Variants in RABEP2 observed in about 807,000 individuals in gnomAD.
RABEP2 encodes rab GTPase-binding effector protein 2.
A neutral mutation model predicts 74.1 loss-of-function variants in RABEP2; 57 were observed. The observed-to-expected ratio is 0.77, with a 90% CI of 0.62 to 0.96. The LOEUF (loss-of-function observed/expected upper bound fraction) is 0.96. Ranked by LOEUF, RABEP2 falls within the 40% of genes least tolerant of loss-of-function variation. RABEP2 has a pLI of 0.00. For synonymous variants in RABEP2, 351 were observed against 344.0 expected, an observed-to-expected ratio of 1.02 and a Z score of -0.23; for missense variants, 692 against 756.3, an observed-to-expected ratio of 0.91 and a Z score of 1.00.
rs998801875 is a variant in RABEP2 at position 28,918,655 on chromosome 16, CT to C, written c.432+1130del. 4.3e-3 allele frequency among the ~76,000 whole-genome samples: 611 copies of C among 143,556 alleles called. 5 individuals carry two copies. Among genetic ancestry groups the C allele is most frequent in the East Asian group, 0.039 (193 of 4,936 alleles). 94.2% of individuals were successfully genotyped at this position (143,556 alleles called of 152,430 possible). A position where few individuals can be genotyped will look rare whatever the true frequency, so the allele number is the denominator to read the frequency against. On this transcript the variant is annotated intron_variant, in intron 3 of 12. Coordinates refer to ENST00000358201, the MANE Select transcript of RABEP2 (RefSeq NM_024816.3). ...AATAAATAAAACCAGTCTGCCTAGA[CT>C]TTTTTTTTTTTTAAAGAGACAGGGT...
At chr16:28,912,354 C>A (rs1414042457) in intron 5 of RABEP2, among the ~76,000 whole-genome samples, 2 of 151,790 alleles carry the variant, frequency 1.3e-5, no homozygotes, top group African/African-American at 4.8e-5. Context: ...AGCCTCTCAG[C>A]TTCTCCTGTG....
intron 3 of RABEP2, chr16:28,918,066 T>C (rs978745913): frequency 7.8e-6 from 1 of 128,898 alleles, no homozygotes; most frequent in Non-Finnish European, 1.7e-5. Context: ...TAATTGTTTT[T>C]TTTTTTTTTT....
In RABEP2 at chr16:28,914,757, C is replaced by T. The variant is rs1964365341; in HGVS notation, c.458G>A (p.Arg153Gln). 15 of 1,614,122 alleles carry T rather than the reference C, an allele frequency of 9.3e-6. No homozygotes were observed. Among genetic ancestry groups the T allele is most frequent in the African/African-American group, 1.3e-5 (1 of 75,042 alleles). ...EKAHEDSEKL[R>Q]EIVLPMEKEI... is the part of the protein sequence containing the mutation. ...CTTTTCCATGGGCAGTACGATCTCC[C>T]GCAGCTTCTCCGAGTCCTCGTGGGC... The change falls in exon 4 of 13, where the codon CGG (arginine) becomes CAG (glutamine). Residue 153 changes from arginine (R) to glutamine (Q), a missense_variant. Transcript: ENST00000358201.
At chr16:28,905,178 G>C (rs1964205744) in intron 12 of RABEP2, 134 bp from the exon 13 acceptor site, 1 of 737,398 alleles carries the variant, frequency 1.4e-6, no homozygotes, top group Admixed American at 2.7e-5. Context: ...TGCCACAAAT[G>C]CCCTGAGCGT....
In RABEP2 at chr16:28,914,708, C is replaced by T. The variant is rs377649029; in HGVS notation, c.507G>A (p.Lys169=). The stretch of plus-strand genomic sequence containing the variant: ...GAATCAGCTCCTCGGCCCTCAGCAG[C>T]TTCGCCTTCAGCTCCTCGATCTCCT... ...MEKEIEELKA[K]LLRAEELIQE... is the part of the protein sequence containing the mutation. The change falls in exon 4 of 13, where the codon AAG becomes AAA. Residue 169 remains lysine, a synonymous_variant. Transcript: ENST00000358201. 52 of 1,614,090 alleles carry T rather than the reference C, an allele frequency of 3.2e-5. No homozygotes were observed. Among genetic ancestry groups the T allele is most frequent in the Non-Finnish European group, 4.2e-5 (50 of 1,180,036 alleles).
At chr16:28,907,804 T>C (rs904612944) in intron 8 of RABEP2, among the ~76,000 whole-genome samples, 1 of 151,746 alleles carries the variant, frequency 6.6e-6, no homozygotes, top group Non-Finnish European at 1.5e-5. Context: ...ACCCAACTAA[T>C]GTTCTTTTTC....
chr16:28,908,187 C>T (rs1029411509), intron 8 of RABEP2, among the ~76,000 whole-genome samples: 11 of 152,118 alleles, frequency 7.2e-5, no homozygotes, highest in Non-Finnish European at 1.5e-4. Flanking sequence ...GTGATCCGCC[C>T]GCCTCAGCTT....
Position 28,906,104 on chromosome 16 carries a change from G to A in RABEP2, c.1338C>T (p.Ile446=), listed in dbSNP as rs571749847. ...CCTCCAGAGCCTCCCGCAGCGTCACGATCTCGATCCGCAGGCGCTCGGCCC... is the reference window on the plus strand; with the variant it reads ...CCTCCAGAGCCTCCCGCAGCGTCACAATCTCGATCCGCAGGCGCTCGGCCC... ...EHGAERLRIE[I]VTLREALEEE... is the part of the protein sequence containing the mutation. Residue 446 remains isoleucine (I), a synonymous_variant, in exon 9 of 13, where the codon ATC becomes ATT. Transcript: ENST00000358201. 1.5e-4 allele frequency: 236 copies of A among 1,596,322 alleles called. No homozygotes were observed. Among genetic ancestry groups the A allele is most frequent in the Non-Finnish European group, 1.8e-4 (212 of 1,172,642 alleles).
chr16:28,906,376 C>T (rs1964232307), intron 8 of RABEP2, among the ~76,000 whole-genome samples, 180 bp from the exon 9 acceptor site: 1 of 152,214 alleles, frequency 6.6e-6, no homozygotes, highest in East Asian at 1.9e-4. Flanking sequence ...TGCGCTCCGG[C>T]CCAGGAGAGG....
chr16:28,905,061 G>T lies in RABEP2; in HGVS notation c.1609-17C>A. ...TAGGCGCACCTGCCGGATCGGACGA[G>T]GGGAGCAGAGTGCACTTGTGGGGAA... On this transcript the variant is annotated splice_polypyrimidine_tract_variant and intron_variant, in intron 12 of 12. Transcript: ENST00000358201. The T allele has an allele frequency of 6.3e-7, 1 of 1,588,002 alleles. No homozygotes were observed. Among genetic ancestry groups the T allele is most frequent in the African/African-American group, 1.3e-5 (1 of 74,754 alleles).
At chr16:28,910,037 A>G (rs964500603) in intron 7 of RABEP2, among the ~76,000 whole-genome samples, 12 of 151,540 alleles carry the variant, frequency 7.9e-5, no homozygotes, top group Non-Finnish European at 8.8e-5. Flanking sequence ...TCAAAAAAAA[A>G]AAAAAAAAAA....
At chr16:28,913,024 G>A (rs1964335283) in intron 5 of RABEP2, among the ~76,000 whole-genome samples, 3 of 151,822 alleles carry the variant, frequency 2.0e-5, no homozygotes, top group South Asian at 2.1e-4. Flanking sequence ...GTGCAATGGC[G>A]CGATCTCGGC....
At chr16:28,908,566 C>A in intron 8 of RABEP2, 43 bp downstream of exon 8, 1 of 1,552,014 alleles carries the variant, frequency 6.4e-7, no homozygotes, top group Non-Finnish European at 8.7e-7. Context: ...AAGAAGGGGC[C>A]CTCACGGTGG....
intron 1 of RABEP2, 162 bp downstream of exon 1, chr16:28,924,941 A>T (rs199773143): frequency 3.2e-6 from 3 of 929,012 alleles, no homozygotes; most frequent in Non-Finnish European, 5.0e-6. Flanking sequence ...TGGCCGGGCC[A>T]CGCCCCCTTT....
At chr16:28,913,349 G>A (rs1964339624) in intron 5 of RABEP2, among the ~76,000 whole-genome samples, 1 of 152,046 alleles carries the variant, frequency 6.6e-6, no homozygotes, top group Admixed American at 6.6e-5. Flanking sequence ...TTTTCTCTGG[G>A]CATCTCCCTG....
chr16:28,911,628 C>T (rs1366270075), intron 5 of RABEP2, among the ~76,000 whole-genome samples: 2 of 144,428 alleles, frequency 1.4e-5, no homozygotes, highest in Non-Finnish European at 3.0e-5. Context: ...CAGAGGTTGC[C>T]GTGAGTGAGA....
chr16:28,916,116 A>G (rs1964389436), intron 3 of RABEP2: 1 of 151,190 alleles, frequency 6.6e-6, no homozygotes, highest in Non-Finnish European at 1.5e-5. Flanking sequence ...TCGGCCTCCC[A>G]AAGTGCTAGG....
At position 28,906,079 on chromosome 16, in the gene RABEP2, C is replaced by T. The variant is rs1238658159; in HGVS notation, c.1363G>A (p.Glu455Lys). Residue 455 changes from glutamate to lysine, a missense_variant, in exon 9 of 13, where the codon GAG (glutamate) becomes AAG (lysine). Transcript: ENST00000358201. ...AGGCTGGCCCTGGCCACTGTCTCCT[C>T]CTCCAGAGCCTCCCGCAGCGTCACG... ...EIVTLREALE[E>K]ETVARASLEG... is the part of the protein sequence containing the mutation. 1 of 1,597,300 alleles carries T rather than the reference C, an allele frequency of 6.3e-7. No homozygotes were observed. Among genetic ancestry groups the T allele is most frequent in the African/African-American group, 1.3e-5 (1 of 74,710 alleles).
In RABEP2 at chr16:28,908,762, C is replaced by T. The variant is rs368493934; in HGVS notation, c.1092G>A (p.Ala364=). The change falls in exon 8 of 13, where the codon GCG becomes GCA. Residue 364 remains alanine, a splice_region_variant and synonymous_variant. Transcript: ENST00000358201. The part of the protein sequence containing the change: ...QAQERVQLQM[A]ELVTTHKCLH... ...GGCACTTGTGGGTGGTGACCAGCTC[C>T]GCCTATGGACAGACAGTTAGTATAA... 8.7e-6 allele frequency: 14 copies of T among 1,613,712 alleles called. No individual in the cohort carries two copies. Among genetic ancestry groups the T allele is most frequent in the African/African-American group, 4.0e-5 (3 of 74,904 alleles).
Sources: allele counts gnomAD v4.1 joint callset (sites outside exome capture counted in the v4.1 genomes callset), GRCh38; gene constraint gnomAD v4.1.1; transcripts MANE v1.5; gene names NCBI Gene and HGNC (gene_info 2026-07-23, HGNC 2026-07-21).